Variants in ZNF717 observed in about 807,000 individuals in gnomAD.
ZNF717 encodes krueppel-like factor X17.
A neutral mutation model predicts 13.8 loss-of-function variants in ZNF717; 9 were observed. The observed-to-expected ratio is 0.65, with a 90% CI of 0.39 to 1.14. The LOEUF (loss-of-function observed/expected upper bound fraction) is 1.14, where lower values mean the gene tolerates loss of function less well. Among genes scored for constraint, ZNF717 ranks in the 50% most tolerant of loss-of-function variants. The pLI is 0.01. For synonymous variants in ZNF717, 327 were observed against 364.1 expected (o/e 0.90, Z 1.16); for missense variants, 1,040 against 1,080.7 (o/e 0.96, Z 0.53).
At chr3:75,702,484 C>T (rs73112965) in intron 6 of ZNF717, among the ~76,000 whole-genome samples, 109 of 138,844 alleles carry the variant, frequency 7.9e-4, no homozygotes, top group African/African-American at 1.4e-3. Context: ...AGGGCAGTGA[C>T]GGAACAGGGG....
intron 1 of ZNF717, chr3:75,784,818 G>A (rs55984642): frequency 0.26 from 39,105 of 151,726 alleles, 5,574 homozygotes; most frequent in African/African-American, 0.39. Context: ...AGCACCAGTG[G>A]GAGGTTAGAC....
intron 2 of ZNF717, among the ~76,000 whole-genome samples, chr3:75,765,490 A>G (rs1215953641): frequency 6.6e-6 from 1 of 152,232 alleles, no homozygotes; most frequent in Non-Finnish European, 1.5e-5. Flanking sequence ...AGCTCACTGC[A>G]GCCTCGACCT....
chr3:75,759,425 G>A (rs554898998), intron 2 of ZNF717, among the ~76,000 whole-genome samples: 34 of 151,880 alleles, frequency 2.2e-4, no homozygotes, highest in African/African-American at 6.3e-4. Flanking sequence ...ACAGGCACCC[G>A]CCACAACGCC....
intron 5 of ZNF717, among the ~76,000 whole-genome samples, chr3:75,715,523 TA>T (rs1445648084): frequency 6.6e-6 from 1 of 152,244 alleles, no homozygotes; most frequent in Non-Finnish European, 1.5e-5. Context: ...TCTCTTATAT[TA>T]ACTTCTAATT....
At chr3:75,715,375 A>G (rs75402534) in intron 5 of ZNF717, among the ~76,000 whole-genome samples, 2 of 152,142 alleles carry the variant, frequency 1.3e-5, no homozygotes, top group African/African-American at 4.8e-5. Flanking sequence ...ATTATTTATA[A>G]TTTTTATTTT....
intron 2 of ZNF717, among the ~76,000 whole-genome samples, chr3:75,761,102 T>C (rs897559150): frequency 2.6e-5 from 4 of 151,882 alleles, no homozygotes; most frequent in Non-Finnish European, 4.4e-5. Flanking sequence ...AAATAAAAAA[T>C]CCAAAGAGAC....
rs544750919 is a variant in ZNF717 at position 75,740,086 on chromosome 3, G to A, written c.278-741C>T. ...GCTGTGCCCGTCATCTTCGAAAAGT[G>A]TATTTCTGGTTCCTTCTGAGATCCA... On this transcript the variant is annotated intron_variant, in intron 4 of 4. Transcript: ENST00000652011. Among the ~76,000 whole-genome samples, 34 of 140,428 alleles carry A rather than the reference G, an allele frequency of 2.4e-4. 1 individual carries two copies. The highest frequency in any genetic ancestry group is 8.3e-4 in the African/African-American group (34 of 40,824). The allele number at this position is 140,428 out of a possible 152,430, so 92.1% of individuals were successfully genotyped here.
Position 75,785,512 on chromosome 3 carries a change from G to A in ZNF717, c.-131C>T, listed in dbSNP as rs1448188657. The A allele has an allele frequency of 1.3e-5, 2 of 152,458 alleles. No homozygotes were observed. The allele number at this position is 152,458 out of a possible 1,614,324, so 9.4% of individuals were successfully genotyped here. On this transcript the variant is annotated 5_prime_UTR_variant, in exon 1 of 5. Transcript: ENST00000652011. ...TCTTCGCCCTCGCACCGACCCGCAG[G>A]GACATAGAACCAAGCCCCAGGCTGG... is the stretch of plus-strand genomic sequence containing the variant.
At chr3:75,780,489 C>T (rs925459552) in intron 2 of ZNF717, among the ~76,000 whole-genome samples, 39 of 152,266 alleles carry the variant, frequency 2.6e-4, no homozygotes, top group Admixed American at 2.5e-3. Context: ...ATTGCAAGTT[C>T]CGCCTCCCGG....
intron 2 of ZNF717, among the ~76,000 whole-genome samples, chr3:75,774,057 A>T (rs867170810): frequency 3.5e-4 from 54 of 152,334 alleles, no homozygotes; most frequent in Non-Finnish European, 5.1e-4. Flanking sequence ...TCTCAAAAAA[A>T]AATAATAATA....
intron 5 of ZNF717, among the ~76,000 whole-genome samples, chr3:75,714,698 C>G (rs918634509): frequency 3.3e-5 from 5 of 152,124 alleles, no homozygotes; most frequent in Non-Finnish European, 5.9e-5. Flanking sequence ...GTAAAATGTA[C>G]ACTGGCCATT....
chr3:75,731,795 A>T (rs79045358), downstream of ZNF717, among the ~76,000 whole-genome samples: 1 of 152,250 alleles, frequency 6.6e-6, no homozygotes, highest in Non-Finnish European at 1.5e-5. Flanking sequence ...CTGAAAAATC[A>T]ACAATCCTTT....
At chr3:75,708,808 A>G (rs1488178003), downstream of ZNF717, among the ~76,000 whole-genome samples, 2 of 152,168 alleles carry the variant, frequency 1.3e-5, no homozygotes, top group Non-Finnish European at 2.9e-5. Flanking sequence ...TTATTTATAA[A>G]TGAAAGAGGT....
Position 75,780,866 on chromosome 3 carries a change from G to GGTTTT in ZNF717, c.57+2435_57+2439dup, listed in dbSNP as rs1944758951. ...AACACATAAATCCTAGAACAAACCAGGTTTTGTTTTTCTCCTGTAAACAGG... is the reference window on the plus strand; with the variant it reads ...AACACATAAATCCTAGAACAAACCAGGTTTTGTTTTGTTTTTCTCCTGTAAACAGG... On this transcript the variant is annotated intron_variant, in intron 2 of 4. Coordinates refer to ENST00000652011, the MANE Select transcript of ZNF717 (RefSeq NM_001290208.3). Among the ~76,000 whole-genome samples the GGTTTT allele has an allele frequency of 3.9e-5, 6 of 152,372 alleles. No individual in the cohort carries two copies. In the South Asian group the frequency reaches 1.2e-3, roughly 32 times the overall value.
chr3:75,774,107 A>G (rs1944112482), intron 2 of ZNF717, among the ~76,000 whole-genome samples: 1 of 152,068 alleles, frequency 6.6e-6, no homozygotes, highest in Non-Finnish European at 1.5e-5. Flanking sequence ...ATTGGGTGAC[A>G]TTTGGCTTTC....
exon 5 of ZNF717, chr3:75,716,499 A>G (rs1448056383): frequency 1.3e-5 from 2 of 152,230 alleles, no homozygotes; most frequent in South Asian, 4.1e-4. Context: ...ACCAGTTCCC[A>G]AATGGTATAA....
intron 4 of ZNF717, among the ~76,000 whole-genome samples, chr3:75,720,728 A>C (rs1306481185): frequency 1.3e-5 from 2 of 152,256 alleles, no homozygotes; most frequent in Non-Finnish European, 2.9e-5. Flanking sequence ...CATATTTGTA[A>C]ACCCAGTGCT....
downstream of ZNF717, among the ~76,000 whole-genome samples, chr3:75,709,099 C>T (rs1329296187): frequency 1.3e-5 from 2 of 151,280 alleles, no homozygotes; most frequent in Non-Finnish European, 2.9e-5. Context: ...CTCCTGGGAT[C>T]AAGCGATTCC....
intron 6 of ZNF717, among the ~76,000 whole-genome samples, chr3:75,701,590 G>C (rs1433817810): frequency 2.6e-3 from 399 of 152,262 alleles, no homozygotes; most frequent in African/African-American, 9.4e-3. Flanking sequence ...TACTCAGGAG[G>C]CTGAGGCAGA....
Sources: gnomAD v4.1 joint callset for allele counts (sites outside exome capture counted in the v4.1 genomes callset) on GRCh38, gnomAD v4.1.1 for gene constraint, MANE v1.5 for transcripts, NCBI Gene and HGNC (gene_info 2026-07-23, HGNC 2026-07-21) for gene names.